The following RFX1 variants were observed in gnomAD, a reference collection of about 807,000 sequenced individuals.
RFX1 encodes the protein MHC class II regulatory factor RFX1.
A neutral mutation model predicts 119.6 loss-of-function variants in RFX1; 42 were observed. The observed-to-expected ratio is 0.35, with a 90% CI of 0.27 to 0.45. The LOEUF (loss-of-function observed/expected upper bound fraction) is 0.45, where lower values mean the gene tolerates loss of function less well. Ranked by LOEUF, RFX1 falls within the 20% of genes least tolerant of loss-of-function variation. RFX1 has a pLI of 1.00. For missense variants in RFX1, 1,118 were observed against 1,368.1 expected (o/e 0.82, Z 2.88); for synonymous variants, 628 against 618.5 (o/e 1.02, Z -0.23).
rs1044839168 is a variant in RFX1 at position 14,004,062 on chromosome 19, C to T, written c.-53+2041G>A. Among the ~76,000 whole-genome samples the T allele has an allele frequency of 2.6e-5, 4 of 152,170 alleles. No individual in the cohort carries two copies. In the South Asian group the frequency reaches 8.3e-4, roughly 31 times the overall value. On this transcript the variant is annotated intron_variant, in intron 1 of 20. Coordinates refer to ENST00000254325, the MANE Select transcript of RFX1 (RefSeq NM_002918.5). ...TAGCTGGGATTACAGGCATGTGCCA[C>T]CACGCCTGGCTAATTTTTTTAGAAA...
intron 1 of RFX1, among the ~76,000 whole-genome samples, chr19:13,995,541 C>T (rs1412174892): frequency 6.6e-6 from 1 of 152,138 alleles, no homozygotes. Flanking sequence ...CTGGCAGCTG[C>T]GGCTGACTTC....
In RFX1 at chr19:13,980,660, G is replaced by A. The variant is rs1974399133; in HGVS notation, c.651C>T (p.Ser217=). The part of the protein sequence containing the change: ...EQSPVQANSS[S]SKTAGAPTGT... Reference sequence around the variant, plus strand: ...CCGTGGGGGCCCCGGCTGTCTTGCTGGAAGAGCTGTTGGCCTGCACCGGCG... The same window carrying A: ...CCGTGGGGGCCCCGGCTGTCTTGCTAGAAGAGCTGTTGGCCTGCACCGGCG... The change falls in exon 6 of 21, where the codon TCC becomes TCT. Residue 217 remains serine, a synonymous_variant. Coordinates refer to ENST00000254325, the MANE Select transcript of RFX1 (RefSeq NM_002918.5). The surrounding 1 kb of genome is among the most constrained non-coding windows in gnomAD (Gnocchi z 5.1). 1 of 1,593,606 alleles carries A rather than the reference G, an allele frequency of 6.3e-7. No individual in the cohort carries two copies. The highest frequency in any genetic ancestry group is 2.2e-5 in the East Asian group (1 of 44,534).
chr19:13,973,063 A>G lies in RFX1; in HGVS notation c.994T>C (p.Tyr332His). The G allele has an allele frequency of 6.2e-7, 1 of 1,601,812 alleles. No individual in the cohort carries two copies. Among genetic ancestry groups the G allele is most frequent in the South Asian group, 1.1e-5 (1 of 91,070 alleles). The change falls in exon 9 of 21, where the codon TAC becomes CAC. Residue 332 changes from tyrosine to histidine, a missense_variant. Transcript: ENST00000254325. ...LYTQTASTSY[Y>H]EAAGTATQVS... Reference sequence around the variant, plus strand: ...TGGGTGGCCGTGCCTGCGGCCTCGTAGTAGCTGGTGCTTGCCGTCTGCGTG... The same window carrying G: ...TGGGTGGCCGTGCCTGCGGCCTCGTGGTAGCTGGTGCTTGCCGTCTGCGTG...
Position 13,965,313 on chromosome 19 carries a change from G to A in RFX1, c.2211+136C>T, listed in dbSNP as rs73924055. 2,570 of 784,484 alleles carry A rather than the reference G, an allele frequency of 3.3e-3. 11 individuals carry two copies. Among genetic ancestry groups the A allele is most frequent in the Middle Eastern group, 0.016 (59 of 3,730 alleles). The allele number at this position is 784,484 out of a possible 1,614,324, so 48.6% of individuals were successfully genotyped here. On this transcript the variant is annotated intron_variant, in intron 16 of 20. Transcript: ENST00000254325. The surrounding 1 kb of genome is among the most constrained non-coding windows in gnomAD (Gnocchi z 4.7). The stretch of plus-strand genomic sequence containing the variant: ...CAATGCCCAGGGTGCTCCCCGAGGC[G>A]GAGAAGGTCTCCCCTTCCTCCACAG...
At chr19:13,963,830 C>CGCCCG in intron 17 of RFX1, 28 bp downstream of exon 17, 1 of 1,481,676 alleles carries the variant, frequency 6.7e-7, no homozygotes, top group Non-Finnish European at 9.0e-7. Flanking sequence ...GCCCCTCATT[C>CGCCCG]GCCCGCCCCG....
intron 1 of RFX1, among the ~76,000 whole-genome samples, chr19:13,995,630 C>T (rs958570417): frequency 2.0e-5 from 3 of 152,120 alleles, no homozygotes; most frequent in Non-Finnish European, 4.4e-5. Flanking sequence ...GTGGCTGGAT[C>T]ACCTGAAGTC....
In RFX1 at chr19:13,961,609, C is replaced by T. The variant is rs1973659936; in HGVS notation, c.*1086G>A. 1 of 154,686 alleles carries T rather than the reference C, an allele frequency of 6.5e-6. No individual in the cohort carries two copies. Among genetic ancestry groups the T allele is most frequent in the Non-Finnish European group, 1.4e-5 (1 of 69,462 alleles). The allele number at this position is 154,686 out of a possible 1,614,324, so 9.6% of individuals were successfully genotyped here. A position where few individuals can be genotyped will look rare whatever the true frequency, so the allele number is the denominator to read the frequency against. On this transcript the variant is annotated 3_prime_UTR_variant, in exon 21 of 21. Coordinates refer to ENST00000254325, the MANE Select transcript of RFX1 (RefSeq NM_002918.5). The stretch of plus-strand genomic sequence containing the variant: ...AAAACAGCTCGGCACACTAGACTAC[C>T]ACACGTGTGGACACTTTCACCACCG...
At chr19:14,005,117 C>T (rs1975330897) in intron 1 of RFX1, among the ~76,000 whole-genome samples, 1 of 152,200 alleles carries the variant, frequency 6.6e-6, no homozygotes, top group African/African-American at 2.4e-5. Flanking sequence ...CCTCGATGGG[C>T]AGGACCCAGA....
In RFX1 at chr19:13,965,524, C is replaced by T; in HGVS notation, c.2136G>A (p.Arg712=). 4 of 1,613,964 alleles carry T rather than the reference C, an allele frequency of 2.5e-6. No individual in the cohort carries two copies. Among genetic ancestry groups the T allele is most frequent in the Non-Finnish European group, 3.4e-6 (4 of 1,179,988 alleles). ...AGCTCTCCAGGCTCTTGGCAAAGTT[C>T]CGGATCGCTTGGGTCAAGGCACCTG... The part of the protein sequence containing the change: ...PIPSALTQAI[R]NFAKSLESWL... Residue 712 remains arginine, a synonymous_variant, in exon 16 of 21, where the codon CGG becomes CGA. Coordinates refer to ENST00000254325, the MANE Select transcript of RFX1 (RefSeq NM_002918.5). This position sits in a 1 kb window ranked among gnomAD's most constrained non-coding sequence, Gnocchi z 4.7.
rs1224057042 is a variant in RFX1, at chr19:13,990,589, G to A, written c.319+2936C>T. Among the ~76,000 whole-genome samples the A allele has an allele frequency of 1.3e-5, 2 of 152,200 alleles. No individual in the cohort carries two copies. The highest frequency in any genetic ancestry group is 2.1e-4 in the South Asian group (1 of 4,826). ...TCCCAGCACTTTTGGAGGCCGAGGCGGGTGGATCACGAGGTCAGGAGATCA... is the reference window on the plus strand; with the variant it reads ...TCCCAGCACTTTTGGAGGCCGAGGCAGGTGGATCACGAGGTCAGGAGATCA... On this transcript the variant is annotated intron_variant, in intron 2 of 20. Transcript: ENST00000254325. This position sits in a 1 kb window ranked among gnomAD's most constrained non-coding sequence, Gnocchi z 4.1.
Position 13,994,719 on chromosome 19 carries a change from ATGTGTGTG to A in RFX1, c.-52-832_-52-825del, listed in dbSNP as rs35165719. 3.5e-3 allele frequency among the ~76,000 whole-genome samples: 444 copies of A among 125,994 alleles called. 4 individuals are homozygous for A. The highest frequency in any genetic ancestry group is 0.012 in the African/African-American group (390 of 32,302). The allele number at this position is 125,994 out of a possible 152,430, so 82.7% of individuals were successfully genotyped here. A position where few individuals can be genotyped will look rare whatever the true frequency, so the allele number is the denominator to read the frequency against. On this transcript the variant is annotated intron_variant, in intron 1 of 20. Transcript: ENST00000254325. ...GACCCAAGACTCTGTCTAAATATAT[ATGTGTGTG>A]TGTGTGTGTGTGTGTGTGTGTGTGT...
In RFX1 at chr19:13,962,838, T is replaced by C; in HGVS notation, c.2797A>G (p.Ser933Gly). ...KDEEEEEEEE[S>G]EDELPQDISL... is the part of the protein sequence containing the mutation. ...ATGTCCTGCGGCAGCTCGTCCTCGC[T>C]CTCCTCCTCCTCTTCTTCCTCCTCG... Residue 933 changes from serine to glycine, a missense_variant, in exon 21 of 21, where the codon AGC becomes GGC. Transcript: ENST00000254325. 6.5e-7 allele frequency: 1 copy of C among 1,528,188 alleles called. No individual in the cohort carries two copies. The highest frequency in any genetic ancestry group is 8.8e-7 in the Non-Finnish European group (1 of 1,140,220). 94.7% of individuals were successfully genotyped at this position (1,528,188 alleles called of 1,614,324 possible).
intron 1 of RFX1, among the ~76,000 whole-genome samples, chr19:14,004,143 G>A (rs567155731): frequency 6.6e-6 from 1 of 152,022 alleles, no homozygotes; most frequent in African/African-American, 2.4e-5. Flanking sequence ...CAGGTGATCC[G>A]CCCACCTCAG....
intron 8 of RFX1, among the ~76,000 whole-genome samples, chr19:13,977,632 G>C (rs1222205442): frequency 6.6e-6 from 1 of 151,730 alleles, no homozygotes; most frequent in Non-Finnish European, 1.5e-5. Flanking sequence ...GGCCAGGCTA[G>C]TCTTGAACTC....
intron 2 of RFX1, among the ~76,000 whole-genome samples, chr19:13,983,983 C>T (rs1032973487): frequency 6.6e-6 from 1 of 152,102 alleles, no homozygotes; most frequent in African/African-American, 2.4e-5. Context: ...CTGGAAGGAT[C>T]GAGGTGCTGG....
Position 13,969,743 on chromosome 19 carries a change from GA to G in RFX1, c.1496+250del, listed in dbSNP as rs756614047. 27 of 444,044 alleles carry G rather than the reference GA, an allele frequency of 6.1e-5. No individual in the cohort carries two copies. The highest frequency in any genetic ancestry group is 1.0e-4 in the Non-Finnish European group (25 of 251,034). The allele number at this position is 444,044 out of a possible 1,614,324, so 27.5% of individuals were successfully genotyped here. On this transcript the variant is annotated intron_variant, in intron 10 of 20. Transcript: ENST00000254325. The surrounding 1 kb of genome is among the most constrained non-coding windows in gnomAD (Gnocchi z 4.5). ...GGGTTGGGGGGTGTCGGGCAGGGGAGAGGGGGAGGCTGCAGTTTTAGTTGAG... is the reference window on the plus strand; with the variant it reads ...GGGTTGGGGGGTGTCGGGCAGGGGAGGGGGGAGGCTGCAGTTTTAGTTGAG...
intron 1 of RFX1, among the ~76,000 whole-genome samples, chr19:14,005,098 T>A (rs892195394): frequency 6.6e-6 from 1 of 152,144 alleles, no homozygotes; most frequent in African/African-American, 2.4e-5. Flanking sequence ...CCATTCCCAG[T>A]AGGGGAGACC....
In RFX1 at chr19:13,966,020, G is replaced by C. The variant is rs546901432; in HGVS notation, c.1962-243C>G. 6.6e-6 allele frequency among the ~76,000 whole-genome samples: 1 copy of C among 151,856 alleles called. No homozygotes were observed. The highest frequency in any genetic ancestry group is 1.9e-4 in the East Asian group (1 of 5,140). ...CCTTGTCCCCAACCCAGGGTCACTG[G>C]GGGCACTCTGTGGCCCTGCCCCCAG... On this transcript the variant is annotated intron_variant, in intron 14 of 20. Coordinates refer to ENST00000254325, the MANE Select transcript of RFX1 (RefSeq NM_002918.5). The surrounding 1 kb of genome is among the most constrained non-coding windows in gnomAD (Gnocchi z 6.3).
At chr19:14,004,993 C>G (rs1334735861) in intron 1 of RFX1, among the ~76,000 whole-genome samples, 7 of 152,188 alleles carry the variant, frequency 4.6e-5, no homozygotes, top group Admixed American at 1.3e-4. Flanking sequence ...TGACATGTGA[C>G]TCGGTTGACA....
Sources: allele counts gnomAD v4.1 joint callset (sites outside exome capture counted in the v4.1 genomes callset), GRCh38; gene constraint gnomAD v4.1.1; non-coding constraint Gnocchi (gnomAD v3.1); transcripts MANE v1.5; gene names NCBI Gene and HGNC (gene_info 2026-07-23, HGNC 2026-07-21).